Variants in SERPINB7 observed in about 807,000 individuals in gnomAD.
SERPINB7 encodes the protein serpin family B member 7, also known as serpin B7.
Under a neutral mutation model 37.4 loss-of-function variants are expected in SERPINB7, and 31 were observed. The observed-to-expected ratio is 0.83, with a 90% CI of 0.62 to 1.12. SERPINB7 has a LOEUF of 1.12. SERPINB7 is among the 50% of genes most tolerant of loss of function. SERPINB7 has a pLI of 0.00. For missense variants in SERPINB7, 521 were observed against 455.3 expected (o/e 1.14, Z -1.31); for synonymous variants, 163 against 166.1 (o/e 0.98, Z 0.14).
At chr18:63,772,537 T>C (rs767229915), upstream of SERPINB7, among the ~76,000 whole-genome samples, 1 of 152,124 alleles carries the variant, frequency 6.6e-6, no homozygotes, top group Non-Finnish European at 1.5e-5. Flanking sequence ...AATAATGACA[T>C]TCAAAACGTG....
chr18:63,770,202 C>A (rs1002706337), intron 1 of SERPINB7, among the ~76,000 whole-genome samples: 1 of 150,998 alleles, frequency 6.6e-6, no homozygotes, highest in Admixed American at 6.6e-5. Flanking sequence ...GATTCTTCTT[C>A]TTTCCGGACC....
chr18:63,785,903 G>GTA (rs2049360345), intron 2 of SERPINB7, among the ~76,000 whole-genome samples: 1 of 126,044 alleles, frequency 7.9e-6, no homozygotes, highest in Non-Finnish European at 1.6e-5. Flanking sequence ...TATAATATAC[G>GTA]TATATATACA....
chr18:63,776,142 G>C (rs927994552), intron 1 of SERPINB7, among the ~76,000 whole-genome samples: 2 of 152,080 alleles, frequency 1.3e-5, no homozygotes, highest in Admixed American at 1.3e-4. Context: ...TATCCCAGAG[G>C]CATTAGGTCA....
At chr18:63,759,854 C>T (rs181113594) in intron 1 of SERPINB7, among the ~76,000 whole-genome samples, 1 of 152,152 alleles carries the variant, frequency 6.6e-6, no homozygotes, top group East Asian at 2.0e-4. Flanking sequence ...TTCTCACCTC[C>T]CCCCATGATT....
chr18:63,792,142 C>T (rs1466794653), intron 2 of SERPINB7, among the ~76,000 whole-genome samples: 1 of 152,042 alleles, frequency 6.6e-6, no homozygotes, highest in African/African-American at 2.4e-5. Context: ...GCACAAATTC[C>T]AAAATCCTAG....
chr18:63,783,283 A>AAAGAAAGAAAGGAAGG lies in SERPINB7; in HGVS notation c.168+754_168+755insGAAGGAAGAAAGAAAG, dbSNP rs1555694240. ...GAAAGAAAGAAAGAAAGAAAGAAAGAAAGAAAGAAAGAAATGCAAATGCTT... is the reference window on the plus strand; with the variant it reads ...GAAAGAAAGAAAGAAAGAAAGAAAGAAAGAAAGAAAGGAAGGAAGAAAGAAAGAAATGCAAATGCTT... On this transcript the variant is annotated intron_variant, in intron 2 of 7. Coordinates refer to ENST00000398019, the MANE Select transcript of SERPINB7 (RefSeq NM_003784.4). Among the ~76,000 whole-genome samples, 242 of 122,540 alleles carry AAAGAAAGAAAGGAAGG rather than the reference A, an allele frequency of 2.0e-3. 7 individuals carry two copies. Among genetic ancestry groups the AAAGAAAGAAAGGAAGG allele is most frequent in the African/African-American group, 7.4e-3 (230 of 31,262 alleles). The allele number at this position is 122,540 out of a possible 152,430, so 80.4% of individuals were successfully genotyped here.
intron 1 of SERPINB7, among the ~76,000 whole-genome samples, chr18:63,770,338 G>T (rs1433909315): frequency 6.6e-6 from 1 of 151,538 alleles, no homozygotes; most frequent in Non-Finnish European, 1.5e-5. Flanking sequence ...ATACTAAGTG[G>T]CCCCTCAAGT....
chr18:63,794,004 C>T (rs945542159), intron 4 of SERPINB7, among the ~76,000 whole-genome samples: 6 of 151,588 alleles, frequency 4.0e-5, no homozygotes, highest in South Asian at 2.1e-4. Flanking sequence ...AGTGCACTGG[C>T]GCAATCTCGG....
intron 2 of SERPINB7, among the ~76,000 whole-genome samples, chr18:63,785,283 A>C (rs2049352872): frequency 6.6e-6 from 1 of 152,236 alleles, no homozygotes; most frequent in South Asian, 2.1e-4. Flanking sequence ...TTTTAAATGA[A>C]TCCCGGCTCA....
chr18:63,753,804 G>A (rs1050607470), intron 1 of SERPINB7, among the ~76,000 whole-genome samples: 1 of 152,128 alleles, frequency 6.6e-6, no homozygotes, highest in Non-Finnish European at 1.5e-5. Flanking sequence ...AGTAATATGA[G>A]GCACTTTTGA....
chr18:63,766,132 G>A (rs988484939), intron 1 of SERPINB7, among the ~76,000 whole-genome samples: 1 of 152,082 alleles, frequency 6.6e-6, no homozygotes, highest in Non-Finnish European at 1.5e-5. Flanking sequence ...AAAGTTTCCT[G>A]GAAGCCATAG....
At chr18:63,764,796 CTAT>C (rs1475773712) in intron 1 of SERPINB7, among the ~76,000 whole-genome samples, 1 of 151,732 alleles carries the variant, frequency 6.6e-6, no homozygotes, top group Non-Finnish European at 1.5e-5. Flanking sequence ...TGATTAACCA[CTAT>C]TATTATTATT....
At chr18:63,766,161 A>G (rs1455005301) in intron 1 of SERPINB7, among the ~76,000 whole-genome samples, 2 of 152,106 alleles carry the variant, frequency 1.3e-5, no homozygotes, top group African/African-American at 4.8e-5. Flanking sequence ...TTCTACTTGC[A>G]TGACTATTTG....
chr18:63,786,349 C>T (rs1156760139), intron 2 of SERPINB7, among the ~76,000 whole-genome samples: 1 of 150,406 alleles, frequency 6.6e-6, no homozygotes, highest in African/African-American at 2.4e-5. Flanking sequence ...GGACTTCCTT[C>T]TCTCAACGTT....
intron 1 of SERPINB7, among the ~76,000 whole-genome samples, chr18:63,754,915 C>T (rs1172973606): frequency 3.5e-5 from 3 of 86,678 alleles, no homozygotes; most frequent in East Asian, 3.6e-4. Context: ...TTTTTTGAGA[C>T]GGAGTCTCGC....
Position 63,800,848 on chromosome 18 carries a change from TTG to T in SERPINB7, c.598-15_598-14del. ...ATGAGGTGGGATCATAAATAATTTT[TTG>T]TGACTTGACTTTCAGTGCTCTGGGA... On this transcript the variant is annotated splice_polypyrimidine_tract_variant and intron_variant, in intron 6 of 7. Coordinates refer to ENST00000398019, the MANE Select transcript of SERPINB7 (RefSeq NM_003784.4). The T allele has an allele frequency of 6.2e-7, 1 of 1,611,324 alleles. No individual in the cohort carries two copies. Among genetic ancestry groups the T allele is most frequent in the Non-Finnish European group, 8.5e-7 (1 of 1,179,054 alleles).
At chr18:63,763,805 A>G (rs980702911) in intron 1 of SERPINB7, among the ~76,000 whole-genome samples, 7 of 152,324 alleles carry the variant, frequency 4.6e-5, no homozygotes, top group Middle Eastern at 3.4e-3. Flanking sequence ...ATTAAAAATC[A>G]TGTCCTGTGA....
Position 63,796,383 on chromosome 18 carries a change from G to A in SERPINB7, c.454G>A (p.Gly152Ser). 1 of 1,491,928 alleles carries A rather than the reference G, an allele frequency of 6.7e-7. No homozygotes were observed. The highest frequency in any genetic ancestry group is 9.3e-7 in the Non-Finnish European group (1 of 1,069,742). The allele number at this position is 1,491,928 out of a possible 1,614,324, so 92.4% of individuals were successfully genotyped here. The stretch of plus-strand genomic sequence containing the variant: ...TAAGTGGGTTGAAAATGAAACACAT[G>A]GTGAGTATTGAAATACCCTATTTTT... The part of the protein sequence containing the change: ...INKWVENETH[G>S]KIKNVIGEGG... Residue 152 changes from glycine (G) to serine (S), a missense_variant and splice_region_variant, in exon 5 of 8, where the codon GGC (glycine) becomes AGC (serine). Coordinates refer to ENST00000398019, the MANE Select transcript of SERPINB7 (RefSeq NM_003784.4).
rs567780348 is a variant in SERPINB7 at position 63,780,641 on chromosome 18, T to C, written c.-18-1714T>C. 3.9e-5 allele frequency among the ~76,000 whole-genome samples: 6 copies of C among 152,360 alleles called. No individual in the cohort carries two copies. The South Asian group carries it at 1.2e-3, about 32-fold the overall frequency. On this transcript the variant is annotated intron_variant, in intron 1 of 7. Transcript: ENST00000398019. ...TAGATATAAAATCAACATACATTTT[T>C]TTCTGGGTAACTTTTGAAAGAACAT...
Sources: allele counts gnomAD v4.1 joint callset (sites outside exome capture counted in the v4.1 genomes callset), GRCh38; gene constraint gnomAD v4.1.1; transcripts MANE v1.5; gene names NCBI Gene and HGNC (gene_info 2026-07-23, HGNC 2026-07-21).